LDAH: variants seen among roughly 807,000 people sequenced by gnomAD.
The protein encoded by LDAH is lipid droplet-associated hydrolase.
In LDAH, 26 loss-of-function variants were observed where a neutral mutation model predicts 29.6. The observed-to-expected ratio is 0.88, with a 90% CI of 0.64 to 1.22. The LOEUF (loss-of-function observed/expected upper bound fraction) is 1.22, where lower values mean the gene tolerates loss of function less well. LDAH is among the 50% of genes most tolerant of loss of function. The pLI, the probability that LDAH is intolerant of heterozygous loss-of-function variation, is 0.00. For synonymous variants in LDAH, 117 were observed against 133.0 expected (o/e 0.88, Z 0.83); for missense variants, 344 against 387.3 (o/e 0.89, Z 0.94).
chr2:20,752,968 AAAC>A (rs1558443845), intron 4 of LDAH, among the ~76,000 whole-genome samples: 5 of 77,832 alleles, frequency 6.4e-5, no homozygotes, highest in South Asian at 7.0e-4. Flanking sequence ...TTTGGAGAGA[AAAC>A]AACGACAACA....
intron 3 of LDAH, among the ~76,000 whole-genome samples, chr2:20,788,498 T>C (rs1221500896): frequency 2.0e-5 from 3 of 152,230 alleles, no homozygotes. Context: ...TACAGGCTTT[T>C]GTATGTTCAA....
Position 20,809,028 on chromosome 2 carries a change from T to C in LDAH, c.-2-7563A>G, listed in dbSNP as rs544237314. Among the ~76,000 whole-genome samples the C allele has an allele frequency of 2.0e-5, 3 of 152,174 alleles. No individual in the cohort carries two copies. The South Asian group carries it at 6.2e-4, about 32-fold the overall frequency. On this transcript the variant is annotated intron_variant, in intron 1 of 6. Transcript: ENST00000237822. ...CAATAAAGCTTCCAAAAGATAACAT[T>C]GGAACATACCTTTATGAGCTTAGGG...
rs1670753753 is a variant in LDAH at position 20,789,057 on chromosome 2, C to G, written c.298+1198G>C. ...CTTAGCAGTAACATCGCTATTAAAT[C>G]TTGCTCCCTTCTGTGCTACTCTTTC... is the stretch of plus-strand genomic sequence containing the variant. On this transcript the variant is annotated intron_variant, in intron 3 of 6. Transcript: ENST00000237822. The G allele has an allele frequency of 6.9e-6, 10 of 1,439,568 alleles. No homozygotes were observed. In the South Asian group the frequency reaches 1.3e-4, roughly 18 times the overall value. 89.2% of individuals were successfully genotyped at this position (1,439,568 alleles called of 1,614,324 possible).
At chr2:20,688,809 A>G (rs1662764836) in intron 6 of LDAH, among the ~76,000 whole-genome samples, 1 of 149,004 alleles carries the variant, frequency 6.7e-6, no homozygotes, top group Non-Finnish European at 1.5e-5. Flanking sequence ...CTTACTCTGA[A>G]TTGCTTCATG....
At chr2:20,809,539 CAT>C (rs1358655431) in intron 1 of LDAH, among the ~76,000 whole-genome samples, 6 of 152,112 alleles carry the variant, frequency 3.9e-5, no homozygotes, top group African/African-American at 1.4e-4. Flanking sequence ...CATATATACA[CAT>C]ATGTATAGTA....
At chr2:20,751,475 C>A (rs1457271271) in intron 4 of LDAH, among the ~76,000 whole-genome samples, 2 of 152,136 alleles carry the variant, frequency 1.3e-5, no homozygotes, top group Admixed American at 1.3e-4. Flanking sequence ...AATGAGGAGA[C>A]TATGAAACAA....
chr2:20,703,023 A>G (rs1664061288), intron 5 of LDAH, among the ~76,000 whole-genome samples: 1 of 152,094 alleles, frequency 6.6e-6, no homozygotes, highest in Non-Finnish European at 1.5e-5. Flanking sequence ...ACAGGGTTTC[A>G]CCATGTTGGT....
chr2:20,772,076 C>T (rs1364685288), intron 4 of LDAH, among the ~76,000 whole-genome samples: 1 of 152,194 alleles, frequency 6.6e-6, no homozygotes, highest in Admixed American at 6.5e-5. Context: ...CTACTTCTTT[C>T]CCAACAGACA....
chr2:20,778,529 T>C (rs1669967971), intron 3 of LDAH, among the ~76,000 whole-genome samples: 1 of 152,198 alleles, frequency 6.6e-6, no homozygotes, highest in Admixed American at 6.5e-5. Context: ...TCATTTTACA[T>C]GAACTGAATT....
intron 6 of LDAH, among the ~76,000 whole-genome samples, chr2:20,689,998 C>A (rs1248456992): frequency 6.6e-6 from 1 of 152,244 alleles, no homozygotes; most frequent in African/African-American, 2.4e-5. Context: ...ACTGTACGCA[C>A]CGCTGTTGCT....
intron 4 of LDAH, among the ~76,000 whole-genome samples, chr2:20,773,131 T>C (rs761380090): frequency 6.6e-6 from 1 of 152,110 alleles, no homozygotes; most frequent in Non-Finnish European, 1.5e-5. Context: ...ATTTCCCTAA[T>C]AATAATAATA....
intron 4 of LDAH, among the ~76,000 whole-genome samples, chr2:20,761,876 G>C (rs1157437837): frequency 6.6e-6 from 1 of 151,066 alleles, no homozygotes; most frequent in Admixed American, 6.6e-5. Flanking sequence ...AAAAAAGAGA[G>C]AGAAAAATGC....
intron 2 of LDAH, among the ~76,000 whole-genome samples, chr2:20,799,316 G>C (rs1016698804): frequency 6.6e-6 from 1 of 152,066 alleles, no homozygotes; most frequent in Admixed American, 6.5e-5. Context: ...ACATCTGTTG[G>C]AACTAGAAAA....
intron 1 of LDAH, among the ~76,000 whole-genome samples, chr2:20,817,623 A>G (rs1381498205): frequency 6.6e-6 from 1 of 152,142 alleles, no homozygotes; most frequent in Admixed American, 6.5e-5. Flanking sequence ...AATTCACTAA[A>G]CATACACTTA....
chr2:20,745,850 A>G (rs533650939), intron 4 of LDAH, among the ~76,000 whole-genome samples: 1 of 152,216 alleles, frequency 6.6e-6, no homozygotes, highest in Non-Finnish European at 1.5e-5. Flanking sequence ...CAGATAAAAT[A>G]ATAAAAGAGG....
intron 2 of LDAH, 149 bp from the exon 3 acceptor site, chr2:20,790,547 T>A: frequency 1.5e-6 from 1 of 652,496 alleles, no homozygotes; most frequent in Non-Finnish European, 2.6e-6. Flanking sequence ...AAACTTCCAT[T>A]AAAATCACAG....
chr2:20,787,870 C>T (rs897052076), intron 3 of LDAH, among the ~76,000 whole-genome samples: 1 of 152,124 alleles, frequency 6.6e-6, no homozygotes, highest in African/African-American at 2.4e-5. Flanking sequence ...AAAATATGGT[C>T]CCTTGTGCTG....
intron 5 of LDAH, among the ~76,000 whole-genome samples, chr2:20,711,141 C>T (rs561169166): frequency 2.6e-5 from 4 of 152,186 alleles, no homozygotes; most frequent in Admixed American, 2.6e-4. Context: ...GTAATCCCAG[C>T]ACTTTGGGAG....
rs986946508 is a variant in LDAH at position 20,732,374 on chromosome 2, T to G, written c.703+7597A>C. 1.4e-4 allele frequency among the ~76,000 whole-genome samples: 21 copies of G among 152,132 alleles called. 1 individual carries two copies. The highest frequency in any genetic ancestry group is 9.8e-4 in the Admixed American group (15 of 15,276). On this transcript the variant is annotated intron_variant, in intron 5 of 6. Coordinates refer to ENST00000237822, the MANE Select transcript of LDAH (RefSeq NM_021925.4). ...CTTTTTTTGTATTATTTTTCTCTGG[T>G]TTTGATATTAGATAATACTAGCTTC...
Sources: gnomAD v4.1 joint callset for allele counts (sites outside exome capture counted in the v4.1 genomes callset) on GRCh38, gnomAD v4.1.1 for gene constraint, MANE v1.5 for transcripts, NCBI Gene and HGNC (gene_info 2026-07-23, HGNC 2026-07-21) for gene names.